GPC5: variants seen among roughly 807,000 people sequenced by gnomAD.
The protein encoded by GPC5 is glypican-5.
GPC5 carries 47 observed loss-of-function variants against 53.9 expected under a neutral mutation model. The ratio of observed to expected loss-of-function variants is 0.87; its 90% CI spans 0.69 to 1.11. The LOEUF is 1.11. Among genes scored for constraint, GPC5 ranks in the 50% most tolerant of loss-of-function variants. GPC5 has a pLI of 0.00. For missense variants in GPC5, 748 were observed against 713.1 expected, an observed-to-expected ratio of 1.05 and a Z score of -0.56; for synonymous variants, 286 against 263.3, an observed-to-expected ratio of 1.09 and a Z score of -0.84.
chr13:91,454,855 G>T (rs1400518025), intron 2 of GPC5, among the ~76,000 whole-genome samples: 1 of 151,972 alleles, frequency 6.6e-6, no homozygotes, highest in African/African-American at 2.4e-5. Context: ...AAACTCTGTT[G>T]CTCAAATAAT....
chr13:91,879,606 T>C (rs1288010450), intron 5 of GPC5, among the ~76,000 whole-genome samples: 2 of 152,110 alleles, frequency 1.3e-5, no homozygotes, highest in African/African-American at 4.8e-5. Context: ...CTTTATAAGG[T>C]TGCTAATCCC....
At chr13:91,541,759 C>T (rs2029942414) in intron 2 of GPC5, among the ~76,000 whole-genome samples, 1 of 151,730 alleles carries the variant, frequency 6.6e-6, no homozygotes, top group South Asian at 2.1e-4. Context: ...TGTTAATACA[C>T]ATATAACTTC....
intron 7 of GPC5, among the ~76,000 whole-genome samples, chr13:92,357,772 G>C (rs1594129888): frequency 6.6e-6 from 1 of 151,430 alleles, no homozygotes. Context: ...AGAATTCACT[G>C]ACTATGACAA....
At chr13:91,678,733 TTTTG>T (rs1342071954) in intron 2 of GPC5, among the ~76,000 whole-genome samples, 3 of 140,478 alleles carry the variant, frequency 2.1e-5, no homozygotes, top group African/African-American at 9.0e-5. Flanking sequence ...TGTTAGGAGT[TTTTG>T]TTTTTTTTTT....
chr13:92,628,264 CTTTTTTTTTTTTTTTTTT>C (rs71123419), intron 7 of GPC5, among the ~76,000 whole-genome samples: 4 of 45,356 alleles, frequency 8.8e-5, no homozygotes, highest in South Asian at 2.7e-3. Flanking sequence ...CTTTTTCTTT[CTTTTTTTTTTTTTTTTTT>C]TTTTTTTTTT....
chr13:92,500,512 A>G lies in GPC5; in HGVS notation c.1561+355523A>G, dbSNP rs548095968. Among the ~76,000 whole-genome samples the G allele has an allele frequency of 7.2e-5, 11 of 152,326 alleles. No individual in the cohort carries two copies. In the East Asian group the frequency reaches 1.7e-3, roughly 24 times the overall value. ...TTTAGATAGACTTCTCTACATTCCT[A>G]TGTTAATCACCCTTGTTATAGCTCA... On this transcript the variant is annotated intron_variant, in intron 7 of 7. Transcript: ENST00000377067.
chr13:92,839,796 A>T (rs915246769), intron 7 of GPC5, among the ~76,000 whole-genome samples: 4 of 152,046 alleles, frequency 2.6e-5, no homozygotes, highest in African/African-American at 9.7e-5. Context: ...ATCAGTAACA[A>T]GGGGGATATT....
At chr13:92,347,866 AT>A in intron 7 of GPC5, among the ~76,000 whole-genome samples, 1 of 7,666 alleles carries the variant, frequency 1.3e-4, no homozygotes, top group African/African-American at 1.4e-3. Flanking sequence ...TATATATATT[AT>A]ATATATAATA....
intron 5 of GPC5, among the ~76,000 whole-genome samples, chr13:91,840,344 A>G (rs1423885919): frequency 2.0e-5 from 3 of 152,090 alleles, no homozygotes; most frequent in African/African-American, 4.8e-5. Flanking sequence ...GAGATACTCA[A>G]TAACAGTTGA....
chr13:92,810,743 C>T lies in GPC5; in HGVS notation c.1562-55539C>T, dbSNP rs546635179. 4.6e-4 allele frequency among the ~76,000 whole-genome samples: 70 copies of T among 151,996 alleles called. 1 individual carries two copies. Among genetic ancestry groups the T allele is most frequent in the Admixed American group, 7.2e-4 (11 of 15,262 alleles). ...AATTTTTATTTATTTGTTTTTGAGA[C>T]GGAGTCTCACCTTGTTGCCCAGGCT... On this transcript the variant is annotated intron_variant, in intron 7 of 7. Coordinates refer to ENST00000377067, the MANE Select transcript of GPC5 (RefSeq NM_004466.6).
rs541340501 is a variant in GPC5, at chr13:91,856,922, A to T, written c.1281-51015A>T. Among the ~76,000 whole-genome samples the T allele has an allele frequency of 4.0e-5, 6 of 151,084 alleles. No homozygotes were observed. The East Asian group carries it at 7.8e-4, about 20-fold the overall frequency. ...TACACCTAAATTTATTGTATACCTGAAATTCATTTGTGTGTTATGATATAG... is the reference window on the plus strand; with the variant it reads ...TACACCTAAATTTATTGTATACCTGTAATTCATTTGTGTGTTATGATATAG... On this transcript the variant is annotated intron_variant, in intron 5 of 7. Transcript: ENST00000377067.
chr13:92,458,251 A>G (rs1414040058), intron 7 of GPC5, among the ~76,000 whole-genome samples: 1 of 134,274 alleles, frequency 7.4e-6, no homozygotes, highest in African/African-American at 2.9e-5. Context: ...ACTTATTTAT[A>G]TCTCTGACAT....
chr13:91,698,574 A>G (rs922243253), intron 3 of GPC5, among the ~76,000 whole-genome samples: 1 of 152,232 alleles, frequency 6.6e-6, no homozygotes, highest in Non-Finnish European at 1.5e-5. Flanking sequence ...ATATTTTCCT[A>G]CAATATGGAT....
At chr13:92,318,081 G>A (rs1399307084) in intron 7 of GPC5, among the ~76,000 whole-genome samples, 4 of 151,950 alleles carry the variant, frequency 2.6e-5, no homozygotes, top group Non-Finnish European at 5.9e-5. Context: ...TTTTCAAATC[G>A]GACTATTTGA....
At chr13:92,763,494 C>G (rs962498018) in intron 7 of GPC5, among the ~76,000 whole-genome samples, 11 of 152,218 alleles carry the variant, frequency 7.2e-5, no homozygotes, top group South Asian at 4.1e-4. Flanking sequence ...TCATTTTCCC[C>G]ATAATGTGGA....
chr13:91,420,990 T>C (rs566523204), intron 1 of GPC5, among the ~76,000 whole-genome samples: 12 of 152,230 alleles, frequency 7.9e-5, no homozygotes, highest in Admixed American at 4.6e-4. Flanking sequence ...AATGTGTGAA[T>C]AAATTTATGT....
chr13:91,556,424 A>G (rs2030950597), intron 2 of GPC5, among the ~76,000 whole-genome samples: 1 of 151,924 alleles, frequency 6.6e-6, no homozygotes, highest in South Asian at 2.1e-4. Flanking sequence ...ATATACTTGC[A>G]CACCCATGTT....
chr13:91,810,436 T>C (rs1455954093), intron 5 of GPC5, among the ~76,000 whole-genome samples: 2 of 152,022 alleles, frequency 1.3e-5, no homozygotes, highest in Non-Finnish European at 2.9e-5. Flanking sequence ...CCAATCTGAA[T>C]GCAAAGACAG....
intron 2 of GPC5, among the ~76,000 whole-genome samples, chr13:91,674,450 T>TAC (rs150984874): frequency 6.7e-6 from 1 of 148,968 alleles, no homozygotes; most frequent in African/African-American, 2.5e-5. Flanking sequence ...TATATACACA[T>TAC]ACACACACAC....
Sources: allele counts gnomAD v4.1 joint callset (sites outside exome capture counted in the v4.1 genomes callset), GRCh38; gene constraint gnomAD v4.1.1; transcripts MANE v1.5; gene names NCBI Gene and HGNC (gene_info 2026-07-23, HGNC 2026-07-21).